The following RARS2 variants were observed in gnomAD, a reference collection of about 807,000 sequenced individuals.
RARS2 encodes the protein probable arginine--tRNA ligase, mitochondrial.
Under a neutral mutation model 88.5 loss-of-function variants are expected in RARS2, and 67 were observed. That is an observed-to-expected ratio of 0.76 (90% CI 0.62 to 0.93). The LOEUF (loss-of-function observed/expected upper bound fraction) is 0.93. Among genes scored for constraint, RARS2 ranks in the 40% least tolerant of loss-of-function variants. The pLI, the probability that RARS2 is intolerant of heterozygous loss-of-function variation, is 0.00. For synonymous variants in RARS2, 239 were observed against 230.3 expected, an observed-to-expected ratio of 1.04 and a Z score of -0.34; for missense variants, 664 against 684.2, an observed-to-expected ratio of 0.97 and a Z score of 0.33.
chr6:87,580,258 AAAG>A (rs1235330573), intron 1 of RARS2, among the ~76,000 whole-genome samples: 1 of 152,128 alleles, frequency 6.6e-6, no homozygotes. Flanking sequence ...GCACAAGCGA[AAAG>A]AAGGTCTACT....
chr6:87,518,464 G>T, intron 16 of RARS2, 166 bp downstream of exon 16: 1 of 1,361,902 alleles, frequency 7.3e-7, no homozygotes. Context: ...TCTAACATAG[G>T]TGCTCAATAA....
At chr6:87,549,056 A>T (rs35903880) in intron 5 of RARS2, among the ~76,000 whole-genome samples, 9,363 of 151,974 alleles carry the variant, frequency 0.062, 344 homozygotes, top group African/African-American at 0.11. Flanking sequence ...TACAAAAAAA[A>T]TTTTTTTTAG....
Position 87,514,956 on chromosome 6 carries a change from C to A in RARS2, c.1650+1G>T, listed in dbSNP as rs1380223731. 1 of 1,608,104 alleles carries A rather than the reference C, an allele frequency of 6.2e-7. No homozygotes were observed. ...TACAGAAAACATTCAACATAACGTA[C>A]CCCAGCCACTTCAGGAGGACTATCT... On this transcript the variant is annotated splice_donor_variant, in intron 19 of 19. Transcript: ENST00000369536. LOFTEE classifies it high-confidence loss of function.
chr6:87,548,400 G>T (rs560928853), intron 6 of RARS2, among the ~76,000 whole-genome samples, 191 bp downstream of exon 6: 1 of 152,252 alleles, frequency 6.6e-6, no homozygotes, highest in Admixed American at 6.5e-5. Flanking sequence ...TTTTGGTTTT[G>T]AAATCAATTT....
rs779949019 is a variant in RARS2, at chr6:87,514,387, C to A, written c.*26G>T. 3 of 1,486,996 alleles carry A rather than the reference C, an allele frequency of 2.0e-6. No individual in the cohort carries two copies. The highest frequency in any genetic ancestry group is 1.9e-6 in the Non-Finnish European group (2 of 1,065,344). The allele number at this position is 1,486,996 out of a possible 1,614,324, so 92.1% of individuals were successfully genotyped here. On this transcript the variant is annotated 3_prime_UTR_variant, in exon 20 of 20. Transcript: ENST00000369536. ...GAATAGATAACTAGAATTCACTTGA[C>A]ATTTTAAAAGCCATTTTAATGGAAA...
intron 1 of RARS2, chr6:87,589,720 A>G (rs1582957014): frequency 2.0e-6 from 2 of 985,366 alleles, no homozygotes; most frequent in South Asian, 9.4e-5. Context: ...TTTACTTTTC[A>G]CCGAGACAAA....
intron 8 of RARS2, among the ~76,000 whole-genome samples, chr6:87,534,259 C>T (rs1778474125): frequency 6.6e-6 from 1 of 152,114 alleles, no homozygotes; most frequent in Non-Finnish European, 1.5e-5. Flanking sequence ...AAATAACTAA[C>T]TTGAGCTATT....
intron 18 of RARS2, chr6:87,515,686 T>C (rs1024181472): frequency 6.6e-6 from 1 of 151,788 alleles, no homozygotes; most frequent in African/African-American, 2.4e-5. Flanking sequence ...CCACACACAC[T>C]GGCCACTCTT....
At chr6:87,557,811 A>C (rs1786471270) in intron 4 of RARS2, among the ~76,000 whole-genome samples, 1 of 152,134 alleles carries the variant, frequency 6.6e-6, no homozygotes, top group Non-Finnish European at 1.5e-5. Flanking sequence ...TTGACTCTGC[A>C]CTCTGTGCTC....
chr6:87,570,208 G>T (rs779461594), intron 1 of RARS2, among the ~76,000 whole-genome samples: 3 of 152,164 alleles, frequency 2.0e-5, no homozygotes, highest in Non-Finnish European at 4.4e-5. Flanking sequence ...GTCTCGCTAT[G>T]TTGCCCAGGC....
chr6:87,569,512 T>C lies in RARS2; in HGVS notation c.110+5A>G, dbSNP rs63749985. On this transcript the variant is annotated splice_donor_5th_base_variant and intron_variant, in intron 2 of 19. Transcript: ENST00000369536. ...ATAGATTGTTACAAGTGTATTATAC[T>C]TAACTCTTTTTGGGAAATTGGAACT... 3.8e-6 allele frequency: 6 copies of C among 1,578,858 alleles called. No individual in the cohort carries two copies. The highest frequency in any genetic ancestry group is 3.3e-5 in the Admixed American group (2 of 59,970).
rs5878032 is a variant in RARS2 at position 87,514,311 on chromosome 6, CAAAAA to C, written c.*97_*101del. On this transcript the variant is annotated 3_prime_UTR_variant, in exon 20 of 20. Transcript: ENST00000369536. ...GGGCAACAAGAGCGAAACTCCATCT[CAAAAA>C]AAAAAAAAAAAAATTTAAATTTATT... 26 of 574,736 alleles carry C rather than the reference CAAAAA, an allele frequency of 4.5e-5. No individual in the cohort carries two copies. Among genetic ancestry groups the C allele is most frequent in the Non-Finnish European group, 6.5e-5 (23 of 353,048 alleles). The allele number at this position is 574,736 out of a possible 1,614,324, so 35.6% of individuals were successfully genotyped here.
At chr6:87,520,367 C>G in intron 12 of RARS2, 111 bp from the exon 13 acceptor site, 1 of 834,138 alleles carries the variant, frequency 1.2e-6, no homozygotes, top group South Asian at 1.4e-5. Flanking sequence ...CTAAAGTCGT[C>G]AATTGATATG....
Position 87,518,342 on chromosome 6 carries a change from T to C in RARS2, c.1416-78A>G, listed in dbSNP as rs893616306. On this transcript the variant is annotated intron_variant, in intron 16 of 19. Coordinates refer to ENST00000369536, the MANE Select transcript of RARS2 (RefSeq NM_020320.5). ...GGCACAGAGCTGCAAGTGATGAACA[T>C]GACCTTATAATACACAATTTTGGTC... The C allele has an allele frequency of 5.0e-6, 8 of 1,605,674 alleles. 1 individual carries two copies. Among genetic ancestry groups the C allele is most frequent in the Non-Finnish European group, 5.9e-6 (7 of 1,177,066 alleles).
In RARS2 at chr6:87,559,463, CAAAAAAAAAA is replaced by C. The variant is rs753856335; in HGVS notation, c.297+3229_297+3238del. 2.9e-3 allele frequency among the ~76,000 whole-genome samples: 267 copies of C among 93,282 alleles called. 2 individuals carry two copies. Among genetic ancestry groups the C allele is most frequent in the African/African-American group, 9.7e-3 (254 of 26,156 alleles). The allele number at this position is 93,282 out of a possible 152,430, so 61.2% of individuals were successfully genotyped here. A position where few individuals can be genotyped will look rare whatever the true frequency, so the allele number is the denominator to read the frequency against. ...GGGCAACAAGAGTGAAACTCTGTCTCAAAAAAAAAAAAAAAAAAAAAAAAAAAGAGACAGG... is the reference window on the plus strand; with the variant it reads ...GGGCAACAAGAGTGAAACTCTGTCTCAAAAAAAAAAAAAAAAAGAGACAGG... On this transcript the variant is annotated intron_variant, in intron 4 of 19. Transcript: ENST00000369536.
chr6:87,549,398 T>C (rs2128129062), intron 5 of RARS2, among the ~76,000 whole-genome samples: 1 of 151,114 alleles, frequency 6.6e-6, no homozygotes, highest in East Asian at 1.9e-4. Context: ...AATAAATAAA[T>C]AAATTAGTCA....
chr6:87,585,593 G>A (rs2128228215), intron 1 of RARS2, among the ~76,000 whole-genome samples: 1 of 152,230 alleles, frequency 6.6e-6, no homozygotes, highest in East Asian at 1.9e-4. Context: ...TTAGCCGGGT[G>A]TGGTGGCGGG....
In RARS2 at chr6:87,521,500, T is replaced by C. The variant is rs1582298146; in HGVS notation, c.999A>G (p.Arg333=). 1.2e-6 allele frequency: 2 copies of C among 1,612,392 alleles called. No homozygotes were observed. Among genetic ancestry groups the C allele is most frequent in the South Asian group, 2.2e-5 (2 of 91,040 alleles). The change falls in exon 12 of 20, where the codon CGA becomes CGG. Residue 333 remains arginine (R), a synonymous_variant. Transcript: ENST00000369536. The part of the protein sequence containing the change: ...ATRDLAAAID[R]MDKYNFDTMI... ...TTGTATCAAAATTATACTTGTCCAT[T>C]CGATCTATAGCAGCTGCAAGATCTC...
At chr6:87,545,746 T>G (rs185381256) in intron 6 of RARS2, 47 bp from the exon 7 acceptor site, 499 of 1,595,550 alleles carry the variant, frequency 3.1e-4, no homozygotes, top group Admixed American at 6.2e-4. Flanking sequence ...TTATCCATTT[T>G]TTGACATAAG....
Sources: gnomAD v4.1 joint callset for allele counts (sites outside exome capture counted in the v4.1 genomes callset) on GRCh38, gnomAD v4.1.1 for gene constraint, MANE v1.5 for transcripts, NCBI Gene and HGNC (gene_info 2026-07-23, HGNC 2026-07-21) for gene names.